The following RSBN1L variants were observed in gnomAD, a reference collection of about 807,000 sequenced individuals.
RSBN1L encodes the protein round spermatid basic protein 1 like.
A neutral mutation model predicts 67.7 loss-of-function variants in RSBN1L; 30 were observed. The observed-to-expected ratio is 0.44, with a 90% CI of 0.33 to 0.60. The LOEUF is 0.60. RSBN1L is among the 20% of genes least tolerant of loss of function. RSBN1L has a pLI of 0.02. For synonymous variants in RSBN1L, 433 were observed against 387.0 expected (o/e 1.12, Z -1.39); for missense variants, 992 against 1,031.7 (o/e 0.96, Z 0.53).
At chr7:77,725,430 A>AG (rs1791188335) in intron 1 of RSBN1L, among the ~76,000 whole-genome samples, 2 of 147,778 alleles carry the variant, frequency 1.4e-5, no homozygotes, top group East Asian at 2.0e-4. Flanking sequence ...TATTTTTAGT[A>AG]TGAACGGGGT....
At chr7:77,731,232 G>A (rs563495261) in intron 1 of RSBN1L, among the ~76,000 whole-genome samples, 1 of 151,278 alleles carries the variant, frequency 6.6e-6, no homozygotes, top group African/African-American at 2.4e-5. Context: ...TGTTTTTTTT[G>A]AGGCAGGGTC....
intron 1 of RSBN1L, among the ~76,000 whole-genome samples, chr7:77,723,498 C>G (rs1791150378): frequency 6.6e-6 from 1 of 151,968 alleles, no homozygotes; most frequent in African/African-American, 2.4e-5. Flanking sequence ...GAGATAGGGT[C>G]TCACTCTTTG....
At position 77,779,100 on chromosome 7, in the gene RSBN1L, G is replaced by A; in HGVS notation, c.2473G>A (p.Val825Ile). The A allele has an allele frequency of 6.2e-7, 1 of 1,613,526 alleles. No individual in the cohort carries two copies. Among genetic ancestry groups the A allele is most frequent in the East Asian group, 2.2e-5 (1 of 44,836 alleles). ...EELCPGNLSL[V>I]DTRQHSSAHS... ...ATTGTGCCCTGGAAATCTAAGTCTA[G>A]TTGATACAAGGCAACACAGTTCAGC... Residue 825 changes from valine to isoleucine, a missense_variant, in exon 8 of 8, where the codon GTT becomes ATT. By Grantham distance (29) the Val-to-Ile change is conservative. This residue lies in a region of RSBN1L where 199 missense variants were observed against 167.7 expected (regional missense o/e 1.19). Transcript: ENST00000334955.
rs552664008 is a variant in RSBN1L, at chr7:77,747,554, C to G, written c.704-1870C>G. Among the ~76,000 whole-genome samples, 200 of 152,308 alleles carry G rather than the reference C, an allele frequency of 1.3e-3. 1 individual carries two copies. The highest frequency in any genetic ancestry group is 4.5e-3 in the African/African-American group (188 of 41,560). On this transcript the variant is annotated intron_variant, in intron 2 of 7. Transcript: ENST00000334955. ...TACTTCAAGGGTGCCAGCCATAAGT[C>G]TTGGTGGCTCTATGTGGTATTAAGC...
chr7:77,747,788 C>G (rs1430277211), intron 2 of RSBN1L, among the ~76,000 whole-genome samples: 1 of 152,136 alleles, frequency 6.6e-6, no homozygotes, highest in African/African-American at 2.4e-5. Context: ...CTGTATTAGT[C>G]CATTCTTATA....
At chr7:77,759,335 C>T (rs1447986627) in intron 3 of RSBN1L, among the ~76,000 whole-genome samples, 1 of 152,116 alleles carries the variant, frequency 6.6e-6, no homozygotes, top group African/African-American at 2.4e-5. Flanking sequence ...AAAAAGCTTT[C>T]CCCCTTTATT....
intron 1 of RSBN1L, among the ~76,000 whole-genome samples, chr7:77,723,770 C>G (rs931073811): frequency 3.0e-4 from 46 of 152,040 alleles, no homozygotes; most frequent in African/African-American, 1.1e-3. Flanking sequence ...CCAGTATCTA[C>G]TAAAAATACA....
chr7:77,748,790 A>G (rs1562804193), intron 2 of RSBN1L, among the ~76,000 whole-genome samples: 2 of 152,014 alleles, frequency 1.3e-5, no homozygotes, highest in African/African-American at 2.4e-5. Context: ...TGGCCTGAAG[A>G]TTGTTTTCTA....
Position 77,700,895 on chromosome 7 carries a change from G to A in RSBN1L, c.586+3840G>A, listed in dbSNP as rs371852399. ...TCTGGGGCCGGGCGCGGTGGCTCAC[G>A]CCTGTAATCCCAGCACTTCGGGAGG... On this transcript the variant is annotated intron_variant, in intron 1 of 7. Transcript: ENST00000334955. Among the ~76,000 whole-genome samples, 124 of 151,978 alleles carry A rather than the reference G, an allele frequency of 8.2e-4. 1 individual carries two copies. In the South Asian group the frequency reaches 0.01, roughly 13 times the overall value.
At chr7:77,768,897 GT>G in intron 5 of RSBN1L, 94 bp downstream of exon 5, 1 of 1,018,766 alleles carries the variant, frequency 9.8e-7, no homozygotes, top group Non-Finnish European at 1.5e-6. Flanking sequence ...GGAATGCAAA[GT>G]TTAGAGCATA....
chr7:77,713,094 A>AT (rs1391395960), intron 1 of RSBN1L, among the ~76,000 whole-genome samples: 3 of 152,084 alleles, frequency 2.0e-5, no homozygotes, highest in Non-Finnish European at 1.5e-5. Context: ...AAGATTAAAC[A>AT]TTTTTTCACA....
intron 1 of RSBN1L, among the ~76,000 whole-genome samples, chr7:77,701,135 G>A (rs1790810980): frequency 7.8e-6 from 1 of 127,616 alleles, no homozygotes; most frequent in Admixed American, 9.1e-5. Context: ...CTGGGCGACA[G>A]AGCAAGACTC....
At chr7:77,753,681 C>T (rs1791581982) in intron 3 of RSBN1L, among the ~76,000 whole-genome samples, 1 of 152,098 alleles carries the variant, frequency 6.6e-6, no homozygotes, top group South Asian at 2.1e-4. Flanking sequence ...GAAATCTTTG[C>T]CTACCACAAA....
At position 77,696,641 on chromosome 7, in the gene RSBN1L, G is replaced by A. The variant is rs1790730538; in HGVS notation, c.172G>A (p.Gly58Arg). The change falls in exon 1 of 8, where the codon GGA becomes AGA. Residue 58 changes from glycine (G) to arginine (R), a missense_variant. Gly to Arg is a moderately radical substitution (Grantham distance 125). Transcript: ENST00000334955. ...GAAGAAGGCACCGCGGAGAGTGAAC[G>A]GAGAAGGGGGCAGCGGCGGGAACAG... Reference protein sequence around the residue: ...EEKKAPRRVNGEGGSGGNSRQ... With the variant: ...EEKKAPRRVNREGGSGGNSRQ... 1 of 1,613,880 alleles carries A rather than the reference G, an allele frequency of 6.2e-7. No individual in the cohort carries two copies. The highest frequency in any genetic ancestry group is 1.3e-5 in the African/African-American group (1 of 75,066).
chr7:77,719,606 A>T (rs899695061), intron 1 of RSBN1L, among the ~76,000 whole-genome samples: 8 of 152,172 alleles, frequency 5.3e-5, no homozygotes, highest in African/African-American at 1.9e-4. Flanking sequence ...AGTACTTCAT[A>T]TCTTGGTTTT....
chr7:77,762,859 A>T (rs768023175), intron 3 of RSBN1L, among the ~76,000 whole-genome samples: 6 of 152,116 alleles, frequency 3.9e-5, no homozygotes, highest in Non-Finnish European at 7.4e-5. Flanking sequence ...ATGACTTTTT[A>T]AAACTACTAG....
intron 2 of RSBN1L, among the ~76,000 whole-genome samples, chr7:77,737,833 G>A (rs1468565632): frequency 1.3e-5 from 2 of 152,102 alleles, no homozygotes; most frequent in Non-Finnish European, 2.9e-5. Flanking sequence ...GACCAGCCTG[G>A]CCGATGTGGT....
At chr7:77,771,852 A>G (rs377673109) in intron 5 of RSBN1L, among the ~76,000 whole-genome samples, 1 of 151,570 alleles carries the variant, frequency 6.6e-6, no homozygotes, top group Non-Finnish European at 1.5e-5. Flanking sequence ...TTTAGAATGT[A>G]TGGATCATTT....
Position 77,697,088 on chromosome 7 carries a change from C to T in RSBN1L, c.586+33C>T, listed in dbSNP as rs1211927644. On this transcript the variant is annotated intron_variant, in intron 1 of 7. Transcript: ENST00000334955. ...CCGTGCGGGGAGGGGGAGGGGAGGG[C>T]GCCGTGGGTCCCCGCCGCCCCCTGG... 11 of 1,341,236 alleles carry T rather than the reference C, an allele frequency of 8.2e-6. No individual in the cohort carries two copies. In the Admixed American group the frequency reaches 3.5e-4, roughly 42 times the overall value. 83.1% of individuals were successfully genotyped at this position (1,341,236 alleles called of 1,614,324 possible).
Sources: allele counts gnomAD v4.1 joint callset (sites outside exome capture counted in the v4.1 genomes callset), GRCh38; gene constraint gnomAD v4.1.1; regional missense constraint gnomAD v4.1.1; transcripts MANE v1.5; gene names NCBI Gene and HGNC (gene_info 2026-07-23, HGNC 2026-07-21).